Variants in XIRP2 observed in about 807,000 individuals in gnomAD.
XIRP2 encodes xin actin-binding repeat-containing protein 2.
Under a neutral mutation model 277.0 loss-of-function variants are expected in XIRP2, and 236 were observed. The ratio of observed to expected loss-of-function variants is 0.85; its 90% CI spans 0.77 to 0.95. The LOEUF (loss-of-function observed/expected upper bound fraction) is 0.95, where lower values mean the gene tolerates loss of function less well. Ranked by LOEUF, XIRP2 falls within the 40% of genes least tolerant of loss-of-function variation. XIRP2 has a pLI of 0.00. For missense variants in XIRP2, 4,640 were observed against 4,157.5 expected, an observed-to-expected ratio of 1.12 and a Z score of -3.19; for synonymous variants, 1,490 against 1,416.5, an observed-to-expected ratio of 1.05 and a Z score of -1.17.
At chr2:167,139,593 C>T (rs901731466) in intron 3 of XIRP2, among the ~76,000 whole-genome samples, 1 of 152,104 alleles carries the variant, frequency 6.6e-6, no homozygotes, top group Non-Finnish European at 1.5e-5. Flanking sequence ...GACTTCTGTT[C>T]TTTCAGTTTT....
intron 5 of XIRP2, among the ~76,000 whole-genome samples, chr2:167,235,808 G>T (rs1348834634): frequency 6.6e-6 from 1 of 151,706 alleles, no homozygotes; most frequent in African/African-American, 2.4e-5. Context: ...ATTTTTAAGA[G>T]AAAATTAATA....
At chr2:167,169,064 A>G (rs1692606182) in intron 3 of XIRP2, among the ~76,000 whole-genome samples, 1 of 150,002 alleles carries the variant, frequency 6.7e-6, no homozygotes, top group Non-Finnish European at 1.5e-5. Flanking sequence ...ATGATATACT[A>G]GGTAAAAGGA....
chr2:167,228,479 G>C (rs1218095253), intron 5 of XIRP2, among the ~76,000 whole-genome samples: 2 of 152,242 alleles, frequency 1.3e-5, no homozygotes, highest in South Asian at 4.1e-4. Flanking sequence ...TTCTACCTGT[G>C]TCTTTTGCAG....
chr2:167,106,899 C>T (rs184866051), intron 2 of XIRP2, among the ~76,000 whole-genome samples: 8 of 150,816 alleles, frequency 5.3e-5, no homozygotes, highest in African/African-American at 7.3e-5. Flanking sequence ...TTTATATTTA[C>T]GTGTATTTTG....
chr2:166,940,516 G>A (rs1457451424), intron 2 of XIRP2, among the ~76,000 whole-genome samples: 4 of 152,210 alleles, frequency 2.6e-5, no homozygotes, highest in Admixed American at 2.6e-4. Flanking sequence ...GAGGTGGAGA[G>A]TCACTCTGAT....
At chr2:167,081,657 T>C (rs1433802076) in intron 2 of XIRP2, among the ~76,000 whole-genome samples, 1 of 152,200 alleles carries the variant, frequency 6.6e-6, no homozygotes, top group Non-Finnish European at 1.5e-5. Context: ...TAAGAGATCT[T>C]TAATTACTGG....
At chr2:167,179,070 A>T (rs1692934926) in intron 3 of XIRP2, among the ~76,000 whole-genome samples, 1 of 152,170 alleles carries the variant, frequency 6.6e-6, no homozygotes, top group Non-Finnish European at 1.5e-5. Flanking sequence ...TTACATTATT[A>T]ACATAATATA....
chr2:167,166,883 A>G (rs1692537993), intron 3 of XIRP2, among the ~76,000 whole-genome samples: 1 of 152,166 alleles, frequency 6.6e-6, no homozygotes, highest in African/African-American at 2.4e-5. Context: ...GGATTCAACT[A>G]TGTTCTTACT....
intron 2 of XIRP2, among the ~76,000 whole-genome samples, chr2:167,089,634 G>A (rs996287989): frequency 3.3e-5 from 5 of 152,022 alleles, no homozygotes; most frequent in Non-Finnish European, 5.9e-5. Flanking sequence ...GTGGGGGGGT[G>A]TATTAAGTAA....
At chr2:166,908,536 T>C (rs1405039709) in intron 2 of XIRP2, among the ~76,000 whole-genome samples, 1 of 152,202 alleles carries the variant, frequency 6.6e-6, no homozygotes, top group African/African-American at 2.4e-5. Context: ...GATGAGTAGA[T>C]TGCAAAAATT....
chr2:166,936,453 CT>C (rs1222834207), intron 2 of XIRP2, among the ~76,000 whole-genome samples: 1 of 152,032 alleles, frequency 6.6e-6, no homozygotes, highest in African/African-American at 2.4e-5. Flanking sequence ...TTTGTTGCTA[CT>C]GCTTTTGGTG....
chr2:167,174,678 C>T (rs1201037772), intron 3 of XIRP2, among the ~76,000 whole-genome samples: 1 of 152,042 alleles, frequency 6.6e-6, no homozygotes, highest in Non-Finnish European at 1.5e-5. Flanking sequence ...TTTGCTCTTG[C>T]TTCTCTAGTT....
chr2:167,120,322 G>A (rs1691020093), intron 2 of XIRP2, among the ~76,000 whole-genome samples: 1 of 152,096 alleles, frequency 6.6e-6, no homozygotes. Context: ...GCTTTCTTTG[G>A]CATCTGTTCC....
chr2:167,129,869 C>CAAAAAA (rs11335228), intron 2 of XIRP2, among the ~76,000 whole-genome samples: 1 of 96,988 alleles, frequency 1.0e-5, no homozygotes. Flanking sequence ...AACTCAGTCT[C>CAAAAAA]AAAAAAAAAA....
chr2:167,170,286 G>A (rs564031999), intron 3 of XIRP2, among the ~76,000 whole-genome samples: 17 of 152,050 alleles, frequency 1.1e-4, no homozygotes, highest in Admixed American at 1.3e-4. Flanking sequence ...TCCCTTGCCT[G>A]ATGTTAGTAT....
At chr2:166,931,612 ATTGC>A (rs1467037666) in intron 2 of XIRP2, among the ~76,000 whole-genome samples, 2 of 152,062 alleles carry the variant, frequency 1.3e-5, no homozygotes, top group African/African-American at 2.4e-5. Flanking sequence ...GTATGCTTTT[ATTGC>A]TGAGTAGTTT....
rs112926133 is a variant in XIRP2, at chr2:166,919,114, A to G, written c.408+15224A>G. On this transcript the variant is annotated intron_variant, in intron 2 of 10. Transcript: ENST00000409195. Reference sequence around the variant, plus strand: ...TCAAGCAAACTGCAGGCACCTAACCATGCCCTTGTTTATGATACATAATAC... The same window carrying G: ...TCAAGCAAACTGCAGGCACCTAACCGTGCCCTTGTTTATGATACATAATAC... 4.6e-5 allele frequency among the ~76,000 whole-genome samples: 7 copies of G among 152,276 alleles called. 1 individual carries two copies. The highest frequency in any genetic ancestry group is 1.7e-4 in the African/African-American group (7 of 41,554).
chr2:166,964,822 T>G (rs115367865), intron 2 of XIRP2, among the ~76,000 whole-genome samples: 4,594 of 151,940 alleles, frequency 0.03, 101 homozygotes, highest in East Asian at 0.079. Flanking sequence ...TACCTCTTTT[T>G]TCTTCTAGTT....
At chr2:167,083,343 G>T (rs1574236518) in intron 2 of XIRP2, among the ~76,000 whole-genome samples, 2 of 152,194 alleles carry the variant, frequency 1.3e-5, no homozygotes, top group Admixed American at 6.5e-5. Flanking sequence ...TTTGGTTACT[G>T]TAGCCTTGTA....
Sources: gnomAD v4.1 joint callset for allele counts (sites outside exome capture counted in the v4.1 genomes callset) on GRCh38, gnomAD v4.1.1 for gene constraint, MANE v1.5 for transcripts, NCBI Gene and HGNC (gene_info 2026-07-23, HGNC 2026-07-21) for gene names.